SLC7A1: variants seen among roughly 807,000 people sequenced by gnomAD.
SLC7A1 encodes the protein high affinity cationic amino acid transporter 1.
Under a neutral mutation model 53.9 loss-of-function variants are expected in SLC7A1, and 10 were observed. That is an observed-to-expected ratio of 0.19 (90% confidence interval 0.11 to 0.31). The LOEUF (loss-of-function observed/expected upper bound fraction) is 0.31. Among genes scored for constraint, SLC7A1 ranks in the 10% least tolerant of loss-of-function variants. The pLI, the probability that SLC7A1 is intolerant of heterozygous loss-of-function variation, is 1.00. For missense variants in SLC7A1, 525 were observed against 827.2 expected (o/e 0.63, Z 4.48); for synonymous variants, 342 against 338.7 (o/e 1.01, Z -0.11).
In SLC7A1 at chr13:29,517,555, G is replaced by A. The variant is rs1173062388; in HGVS notation, c.1510+18C>T. The A allele has an allele frequency of 1.3e-6, 2 of 1,592,274 alleles. No homozygotes were observed. Among genetic ancestry groups the A allele is most frequent in the African/African-American group, 1.3e-5 (1 of 74,452 alleles). On this transcript the variant is annotated intron_variant, in intron 10 of 12. Transcript: ENST00000380752. ...GCAATGCCAACAAGCAAGGCCCCAGGGAAGGGCTAGCTCTTACCTATGAGG... is the reference window on the plus strand; with the variant it reads ...GCAATGCCAACAAGCAAGGCCCCAGAGAAGGGCTAGCTCTTACCTATGAGG...
chr13:29,524,299 G>T, intron 5 of SLC7A1, 46 bp from the exon 6 acceptor site: 2 of 1,612,388 alleles, frequency 1.2e-6, no homozygotes, highest in Non-Finnish European at 1.7e-6. Context: ...TCGCTGCGCA[G>T]TCTGGCGTAA....
intron 8 of SLC7A1, among the ~76,000 whole-genome samples, chr13:29,521,564 C>T (rs555819587): frequency 1.1e-4 from 17 of 152,240 alleles, no homozygotes; most frequent in African/African-American, 3.6e-4. Context: ...TTTGGGGCTA[C>T]GAAATGCAAT....
chr13:29,559,917 G>A (rs941186133), intron 1 of SLC7A1, among the ~76,000 whole-genome samples: 19 of 152,052 alleles, frequency 1.2e-4, no homozygotes, highest in East Asian at 7.8e-4. Flanking sequence ...GGGTTTCACC[G>A]TGTTAGCCAG....
rs1016528344 is a variant in SLC7A1 at position 29,509,644 on chromosome 13, G to T, written c.*4836C>A. 1.3e-5 allele frequency: 2 copies of T among 152,508 alleles called. No homozygotes were observed. The highest frequency in any genetic ancestry group is 4.8e-5 in the African/African-American group (2 of 41,428). 9.4% of individuals were successfully genotyped at this position (152,508 alleles called of 1,614,324 possible). A position where few individuals can be genotyped will look rare whatever the true frequency, so the allele number is the denominator to read the frequency against. ...GACCCAGCAGAGACCAACCTGATTT[G>T]CAGTTAGCATCAGAATCTAAATCTA... On this transcript the variant is annotated 3_prime_UTR_variant, in exon 13 of 13. Coordinates refer to ENST00000380752, the MANE Select transcript of SLC7A1 (RefSeq NM_003045.5).
Position 29,522,345 on chromosome 13 carries a change from G to T in SLC7A1, c.1161C>A (p.Ile387=). 1 of 1,614,202 alleles carries T rather than the reference G, an allele frequency of 6.2e-7. No homozygotes were observed. The highest frequency in any genetic ancestry group is 1.1e-5 in the South Asian group (1 of 91,086). The change falls in exon 8 of 13, where the codon ATC becomes ATA. Residue 387 remains isoleucine (I), a synonymous_variant. Transcript: ENST00000380752. ...NVNDRTKTPI[I]ATLASGAVAA... ...CAACGGCACCCGAGGCTAATGTGGCGATTATTGGTGTTTTGGTCCTATCAT... is the reference window on the plus strand; with the variant it reads ...CAACGGCACCCGAGGCTAATGTGGCTATTATTGGTGTTTTGGTCCTATCAT...
intron 8 of SLC7A1, among the ~76,000 whole-genome samples, chr13:29,519,987 G>A (rs1156465331): frequency 6.6e-6 from 1 of 152,048 alleles, no homozygotes; most frequent in East Asian, 1.9e-4. Flanking sequence ...AGACTCATGT[G>A]CATCCATCCA....
chr13:29,573,363 C>T (rs1280557642), intron 1 of SLC7A1, among the ~76,000 whole-genome samples: 1 of 151,992 alleles, frequency 6.6e-6, no homozygotes, highest in Non-Finnish European at 1.5e-5. Flanking sequence ...GAGTGAGATC[C>T]CTGGGAGAAA....
intron 1 of SLC7A1, among the ~76,000 whole-genome samples, chr13:29,555,087 G>A (rs1436345377): frequency 6.6e-6 from 1 of 151,918 alleles, no homozygotes; most frequent in African/African-American, 2.4e-5. Context: ...GGCCGGGCGC[G>A]GTGGCTCACG....
rs1321180930 is a variant in SLC7A1 at position 29,524,260 on chromosome 13, A to T, written c.705-7T>A. 6 of 1,613,988 alleles carry T rather than the reference A, an allele frequency of 3.7e-6. No individual in the cohort carries two copies. The highest frequency in any genetic ancestry group is 5.1e-6 in the Non-Finnish European group (6 of 1,179,980). ...CTTCCCTTCTTTTGTGTCACTAGAA[A>T]AAAGAGCCGCAAACAAATGTCACGT... On this transcript the variant is annotated splice_polypyrimidine_tract_variant and splice_region_variant and intron_variant, in intron 5 of 12. Coordinates refer to ENST00000380752, the MANE Select transcript of SLC7A1 (RefSeq NM_003045.5).
At position 29,532,946 on chromosome 13, in the gene SLC7A1, A is replaced by C. The variant is rs1869237689; in HGVS notation, c.407T>G (p.Phe136Cys). 1 of 1,614,030 alleles carries C rather than the reference A, an allele frequency of 6.2e-7. No homozygotes were observed. Among genetic ancestry groups the C allele is most frequent in the East Asian group, 2.2e-5 (1 of 44,870 alleles). Residue 136 changes from phenylalanine (F) to cysteine (C), a missense_variant, in exon 4 of 13, where the codon TTC becomes TGC. This residue lies in a region of SLC7A1 where 354 missense variants were observed against 587.5 expected (regional missense o/e 0.60). Coordinates refer to ENST00000380752, the MANE Select transcript of SLC7A1 (RefSeq NM_003045.5). The part of the protein sequence containing the change: ...SSVARAWSAT[F>C]DELIGRPIGE... ...GATGGGTCTGCCTATCAGCTCGTCG[A>C]AGGTGGCGCTCCAGGCCCTCGCTAC...
intron 5 of SLC7A1, among the ~76,000 whole-genome samples, chr13:29,528,075 C>T (rs981365358): frequency 5.3e-5 from 8 of 152,222 alleles, no homozygotes; most frequent in African/African-American, 1.7e-4. Context: ...TTCTCCATCC[C>T]GCTGACTGGA....
At chr13:29,522,549 G>A (rs571888308) in intron 7 of SLC7A1, 93 bp from the exon 8 acceptor site, 2 of 1,420,134 alleles carry the variant, frequency 1.4e-6, no homozygotes, top group East Asian at 2.3e-5. Flanking sequence ...ACGGAGGAGA[G>A]GGAGTCTGAG....
intron 1 of SLC7A1, among the ~76,000 whole-genome samples, chr13:29,593,281 G>T (rs988200306): frequency 1.3e-5 from 2 of 152,166 alleles, no homozygotes; most frequent in African/African-American, 2.4e-5. Context: ...TGAATCCACC[G>T]GCCAATCCTA....
intron 1 of SLC7A1, among the ~76,000 whole-genome samples, chr13:29,554,220 C>T (rs1214462259): frequency 1.3e-5 from 2 of 152,204 alleles, no homozygotes; most frequent in East Asian, 1.9e-4. Flanking sequence ...CCCGGTCAGG[C>T]GCCATGAAGG....
In SLC7A1 at chr13:29,540,462, T is replaced by G. The variant is rs189315695; in HGVS notation, c.-14-4260A>C. ...TAACACCAGGAGTAAAATGACCCAA[T>G]GAGTCAGAATTTGAGATAAAGACTC... On this transcript the variant is annotated intron_variant, in intron 2 of 12. Coordinates refer to ENST00000380752, the MANE Select transcript of SLC7A1 (RefSeq NM_003045.5). Among the ~76,000 whole-genome samples, 16 of 152,326 alleles carry G rather than the reference T, an allele frequency of 1.1e-4. No homozygotes were observed. In the East Asian group the frequency reaches 3.1e-3, roughly 29 times the overall value.
At chr13:29,542,718 T>A (rs1314917387) in intron 2 of SLC7A1, among the ~76,000 whole-genome samples, 1 of 146,564 alleles carries the variant, frequency 6.8e-6, no homozygotes, top group Non-Finnish European at 1.5e-5. Context: ...TCCACGACCA[T>A]AAGAAAATTG....
chr13:29,587,074 GA>G (rs1419796239), intron 1 of SLC7A1, among the ~76,000 whole-genome samples: 1 of 152,148 alleles, frequency 6.6e-6, no homozygotes, highest in Non-Finnish European at 1.5e-5. Flanking sequence ...GGCCGGAGTA[GA>G]AAAAACAAAC....
intron 2 of SLC7A1, among the ~76,000 whole-genome samples, chr13:29,544,575 C>G (rs559760054): frequency 1.3e-5 from 2 of 152,294 alleles, no homozygotes; most frequent in African/African-American, 4.8e-5. Flanking sequence ...ACATTAGAAT[C>G]ATCTGGGGAG....
chr13:29,566,970 C>G (rs573657153), intron 1 of SLC7A1, among the ~76,000 whole-genome samples: 280 of 152,324 alleles, frequency 1.8e-3, no homozygotes, highest in African/African-American at 6.5e-3. Flanking sequence ...AATCAATCAT[C>G]ATGGCTCCAG....
Sources: allele counts gnomAD v4.1 joint callset (sites outside exome capture counted in the v4.1 genomes callset), GRCh38; gene constraint gnomAD v4.1.1; regional missense constraint gnomAD v4.1.1; transcripts MANE v1.5; gene names NCBI Gene and HGNC (gene_info 2026-07-23, HGNC 2026-07-21).